The following ARFGEF1 variants were observed in gnomAD, a reference collection of about 807,000 sequenced individuals.
ARFGEF1 encodes brefeldin A-inhibited guanine nucleotide-exchange protein 1.
A neutral mutation model predicts 231.0 loss-of-function variants in ARFGEF1; 42 were observed. That is an observed-to-expected ratio of 0.18 (90% confidence interval 0.14 to 0.24). The LOEUF (loss-of-function observed/expected upper bound fraction) is 0.24, where lower values mean the gene tolerates loss of function less well. Among genes scored for constraint, ARFGEF1 ranks in the 10% least tolerant of loss-of-function variants. The pLI, the probability that ARFGEF1 is intolerant of heterozygous loss-of-function variation, is 1.00. For missense variants in ARFGEF1, 1,345 were observed against 2,192.0 expected (o/e 0.61, Z 7.72); for synonymous variants, 710 against 732.3 (o/e 0.97, Z 0.49).
At chr8:67,234,754 A>G (rs1160343348) in intron 22 of ARFGEF1, among the ~76,000 whole-genome samples, 2 of 152,184 alleles carry the variant, frequency 1.3e-5, no homozygotes, top group Non-Finnish European at 2.9e-5. Context: ...TCCAAAAGAC[A>G]ACACTGATAA....
chr8:67,223,757 G>A (rs1038819220), intron 29 of ARFGEF1, among the ~76,000 whole-genome samples: 2 of 152,136 alleles, frequency 1.3e-5, no homozygotes, highest in African/African-American at 2.4e-5. Context: ...TAAAGGGTGA[G>A]GGGAGAGGGT....
At chr8:67,331,762 G>C (rs547808851) in intron 1 of ARFGEF1, among the ~76,000 whole-genome samples, 1 of 152,014 alleles carries the variant, frequency 6.6e-6, no homozygotes, top group South Asian at 2.1e-4. Flanking sequence ...GAAAGATGAA[G>C]TGATAAAACA....
intron 14 of ARFGEF1, among the ~76,000 whole-genome samples, chr8:67,260,275 C>T (rs2128890588): frequency 6.6e-6 from 1 of 152,232 alleles, no homozygotes. Context: ...TTGAGTAATA[C>T]TAAATATTTC....
At chr8:67,301,167 T>A (rs527249833) in intron 3 of ARFGEF1, 57 bp downstream of exon 3, 25 of 1,441,826 alleles carry the variant, frequency 1.7e-5, no homozygotes, top group Admixed American at 2.4e-5. Context: ...ATGTGAGTAA[T>A]GTTTTAGAAA....
At position 67,190,702 on chromosome 8, in the gene ARFGEF1, A is replaced by G. The variant is rs1835977709; in HGVS notation, c.560+9694T>C. 1 of 1,614,156 alleles carries G rather than the reference A, an allele frequency of 6.2e-7. No individual in the cohort carries two copies. The highest frequency in any genetic ancestry group is 8.5e-7 in the Non-Finnish European group (1 of 1,180,022). ...TTGAAGATGACGTCCTCCCTCCACCATCACAGTTGCCCTCTGCACGGGAGC... is the reference window on the plus strand; with the variant it reads ...TTGAAGATGACGTCCTCCCTCCACCGTCACAGTTGCCCTCTGCACGGGAGC... On this transcript the variant is annotated intron_variant, in intron 5 of 5. Coordinates refer to the ARFGEF1 transcript ENST00000518789.
chr8:67,326,874 A>G (rs1215287312), intron 1 of ARFGEF1, among the ~76,000 whole-genome samples: 1 of 152,212 alleles, frequency 6.6e-6, no homozygotes, highest in Non-Finnish European at 1.5e-5. Context: ...CCTAGTCAAA[A>G]TCCTATGTCA....
At chr8:67,240,825 A>T (rs993129299) in intron 19 of ARFGEF1, among the ~76,000 whole-genome samples, 2 of 152,220 alleles carry the variant, frequency 1.3e-5, no homozygotes. Context: ...AAAGTAGTTA[A>T]ATAAAATACT....
At chr8:67,308,984 A>C (rs1017964575) in intron 1 of ARFGEF1, among the ~76,000 whole-genome samples, 2 of 152,204 alleles carry the variant, frequency 1.3e-5, no homozygotes, top group Non-Finnish European at 2.9e-5. Flanking sequence ...AGTAGCGAAG[A>C]TATGGAGGCA....
chr8:67,299,089 T>C, intron 4 of ARFGEF1, 120 bp downstream of exon 4: 1 of 1,010,212 alleles, frequency 9.9e-7, no homozygotes, highest in Non-Finnish European at 1.4e-6. Flanking sequence ...CGGCCTCGAA[T>C]AACCTGTATT....
intron 1 of ARFGEF1, among the ~76,000 whole-genome samples, chr8:67,308,049 C>G (rs901657099): frequency 6.6e-6 from 1 of 152,184 alleles, no homozygotes; most frequent in East Asian, 1.9e-4. Context: ...CGTCACCAGT[C>G]CCAGCTGAGC....
At chr8:67,339,715 A>C (rs1808515205) in intron 1 of ARFGEF1, among the ~76,000 whole-genome samples, 1 of 137,670 alleles carries the variant, frequency 7.3e-6, no homozygotes, top group Non-Finnish European at 1.5e-5. Context: ...GTAGTAGGGC[A>C]GGTACCAAAA....
At chr8:67,239,285 C>T (rs557899855) in intron 20 of ARFGEF1, among the ~76,000 whole-genome samples, 49 of 152,246 alleles carry the variant, frequency 3.2e-4, no homozygotes, top group African/African-American at 1.1e-3. Context: ...GGATTACAGG[C>T]TTGAGCCACC....
Position 67,204,740 on chromosome 8 carries a change from G to A in ARFGEF1, c.4899C>T (p.Asn1633=). ...VQLELIQTID[N]IVFFPATSKK... ...TACTTGTGGCTGGGAAGAAGACAAT[G>A]TTGTCGATAGTCTGGATGAGTTCCA... is the stretch of plus-strand genomic sequence containing the variant. The change falls in exon 35 of 39, where the codon AAC becomes AAT. Residue 1633 remains asparagine, a synonymous_variant. Transcript: ENST00000262215. The A allele has an allele frequency of 1.2e-6, 2 of 1,613,864 alleles. No individual in the cohort carries two copies. The highest frequency in any genetic ancestry group is 1.7e-6 in the Non-Finnish European group (2 of 1,179,914).
downstream of ARFGEF1, among the ~76,000 whole-genome samples, chr8:67,197,183 T>C (rs1022604727): frequency 2.0e-5 from 3 of 152,136 alleles, no homozygotes; most frequent in Non-Finnish European, 4.4e-5. Flanking sequence ...TGGTGGCTCA[T>C]GCCTATAATC....
intron 7 of ARFGEF1, among the ~76,000 whole-genome samples, chr8:67,283,954 TGACCCAATAATCTCATTTCTA>T (rs1805643399): frequency 6.6e-6 from 1 of 152,188 alleles, no homozygotes; most frequent in African/African-American, 2.4e-5. Context: ...ATTTACCACT[TGACCCAATAATCTCATTTCTA>T]GGAATTTGCC....
rs568252653 is a variant in ARFGEF1, at chr8:67,227,613, G to A, written c.3592-15C>T. ...TTACACCCAACCTGTAATGGCGACA[G>A]AAATAAACGATGCTAATTAATATCA... On this transcript the variant is annotated splice_polypyrimidine_tract_variant and intron_variant, in intron 25 of 38. Coordinates refer to ENST00000262215, the MANE Select transcript of ARFGEF1 (RefSeq NM_006421.5). The A allele has an allele frequency of 6.2e-7, 1 of 1,604,500 alleles. No individual in the cohort carries two copies. Among genetic ancestry groups the A allele is most frequent in the East Asian group, 2.2e-5 (1 of 44,740 alleles).
chr8:67,294,408 G>T (rs1008666662), intron 5 of ARFGEF1, among the ~76,000 whole-genome samples: 2 of 152,088 alleles, frequency 1.3e-5, no homozygotes, highest in African/African-American at 4.8e-5. Flanking sequence ...GTGTGGGGAA[G>T]AAAGGAACTA....
intron 1 of ARFGEF1, among the ~76,000 whole-genome samples, chr8:67,312,672 C>T (rs115267028): frequency 0.016 from 2,480 of 152,182 alleles, 71 homozygotes; most frequent in African/African-American, 0.057. Context: ...CTATTCTCCT[C>T]GAGTTTTAAA....
At chr8:67,275,352 C>T (rs1033894326) in intron 9 of ARFGEF1, among the ~76,000 whole-genome samples, 6 of 151,990 alleles carry the variant, frequency 3.9e-5, no homozygotes, top group Non-Finnish European at 7.4e-5. Flanking sequence ...ACAAAAATGG[C>T]ACTTTCCTAG....
Sources: gnomAD v4.1 joint callset for allele counts (sites outside exome capture counted in the v4.1 genomes callset) on GRCh38, gnomAD v4.1.1 for gene constraint, MANE v1.5 for transcripts, NCBI Gene and HGNC (gene_info 2026-07-23, HGNC 2026-07-21) for gene names.